RPF2: variants seen among roughly 807,000 people sequenced by gnomAD.
The protein encoded by RPF2 is ribosome production factor 2 homolog.
RPF2 carries 21 observed loss-of-function variants against 38.9 expected under a neutral mutation model. That is an observed-to-expected ratio of 0.54 (90% CI 0.38 to 0.78). The LOEUF is 0.78. RPF2 is among the 30% of genes least tolerant of loss of function. RPF2 has a pLI of 0.00. For synonymous variants in RPF2, 121 were observed against 126.2 expected (o/e 0.96, Z 0.28); for missense variants, 314 against 358.1 (o/e 0.88, Z 0.99).
At chr6:110,992,460 T>TTTTTTTA (rs1771636983) in intron 4 of RPF2, among the ~76,000 whole-genome samples, 1 of 151,660 alleles carries the variant, frequency 6.6e-6, no homozygotes, top group African/African-American at 2.4e-5. Flanking sequence ...TTTTTTTTTT[T>TTTTTTTA]GAAGCTTGGG....
In RPF2 at chr6:111,013,246, A is replaced by G. The variant is rs562000138; in HGVS notation, c.494-2508A>G. On this transcript the variant is annotated intron_variant, in intron 7 of 9. Transcript: ENST00000441448. ...TGCTATATGTCATTTATCACTTTGC[A>G]TAATAGGTGCTCTGGTACAATTTAT... is the stretch of plus-strand genomic sequence containing the variant. Among the ~76,000 whole-genome samples, 211 of 152,334 alleles carry G rather than the reference A, an allele frequency of 1.4e-3. 1 individual carries two copies. The highest frequency in any genetic ancestry group is 4.8e-3 in the African/African-American group (200 of 41,586).
At chr6:110,989,142 G>T in intron 3 of RPF2, 77 bp downstream of exon 3, 3 of 1,341,762 alleles carry the variant, frequency 2.2e-6, no homozygotes, top group Admixed American at 3.6e-5. Flanking sequence ...GGAAGATTTG[G>T]AAAACAAAAA....
intron 2 of RPF2, among the ~76,000 whole-genome samples, chr6:110,988,331 G>T (rs778554998): frequency 2.8e-4 from 42 of 152,062 alleles, no homozygotes; most frequent in Non-Finnish European, 4.7e-4. Context: ...TATTCTAATT[G>T]TCATCATTAT....
intron 6 of RPF2, among the ~76,000 whole-genome samples, chr6:111,003,815 C>A (rs1033377745): frequency 2.0e-5 from 3 of 151,968 alleles, no homozygotes; most frequent in Non-Finnish European, 2.9e-5. Flanking sequence ...AGAGTGAGGC[C>A]TCATGTCTCC....
intron 4 of RPF2, among the ~76,000 whole-genome samples, chr6:110,996,454 G>A (rs1771712800): frequency 6.6e-6 from 1 of 152,132 alleles, no homozygotes; most frequent in Non-Finnish European, 1.5e-5. Context: ...CTCCCACAGT[G>A]CTGGGATTAC....
At chr6:111,012,419 G>T (rs1233520717) in intron 7 of RPF2, among the ~76,000 whole-genome samples, 3 of 152,018 alleles carry the variant, frequency 2.0e-5, no homozygotes, top group Non-Finnish European at 4.4e-5. Flanking sequence ...CAGCCCTCCA[G>T]CCTCAGCCTC....
rs767146547 is a variant in RPF2 at position 110,997,143 on chromosome 6, A to T, written c.235-40A>T. The T allele has an allele frequency of 4.7e-6, 6 of 1,283,646 alleles. No homozygotes were observed. The South Asian group carries it at 7.4e-5, about 16-fold the overall frequency. The allele number at this position is 1,283,646 out of a possible 1,614,324, so 79.5% of individuals were successfully genotyped here. ...AAGGTAAGATTCTTAAAGTTCTTAA[A>T]TTTATGCATGGACTAAATGGGATTT... On this transcript the variant is annotated intron_variant, in intron 4 of 9. Transcript: ENST00000441448.
At chr6:110,990,749 T>A (rs181009955) in intron 3 of RPF2, among the ~76,000 whole-genome samples, 77 of 152,142 alleles carry the variant, frequency 5.1e-4, no homozygotes, top group Admixed American at 5.0e-3. Flanking sequence ...ATTTTTGTAT[T>A]TTTAGTAGAG....
chr6:111,010,336 G>C (rs1033138291), intron 7 of RPF2, among the ~76,000 whole-genome samples: 2 of 151,912 alleles, frequency 1.3e-5, no homozygotes, highest in Admixed American at 6.6e-5. Flanking sequence ...GTATTGCCCA[G>C]GCTGGTCTCA....
intron 1 of RPF2, 142 bp from the exon 2 acceptor site, chr6:110,984,864 A>G: frequency 2.1e-6 from 2 of 936,382 alleles, no homozygotes; most frequent in East Asian, 2.6e-5. Context: ...AAAAACAAAC[A>G]AAAAAAAGAA....
intron 2 of RPF2, among the ~76,000 whole-genome samples, chr6:110,985,934 TC>T (rs760627759): frequency 0.059 from 6,586 of 112,536 alleles, 152 homozygotes; most frequent in Middle Eastern, 0.1. Context: ...AGACTCCATT[TC>T]AAAAAAAAAA....
At chr6:110,993,781 C>G (rs1771660742) in intron 4 of RPF2, among the ~76,000 whole-genome samples, 1 of 152,132 alleles carries the variant, frequency 6.6e-6, no homozygotes, top group African/African-American at 2.4e-5. Context: ...CTACGGAGCT[C>G]AAAATGGCTA....
chr6:110,994,734 T>TATATATATATATATATATACAC (rs1436106936), intron 4 of RPF2, among the ~76,000 whole-genome samples: 11 of 134,128 alleles, frequency 8.2e-5, no homozygotes, highest in African/African-American at 3.2e-4. Context: ...TGAGTATATA[T>TATATATATATATATATATACAC]ACACACACAC....
At chr6:111,007,998 CT>C in intron 6 of RPF2, 39 bp from the exon 7 acceptor site, 2 of 1,496,350 alleles carry the variant, frequency 1.3e-6, no homozygotes, top group Non-Finnish European at 1.8e-6. Flanking sequence ...ACAGTTTAGA[CT>C]TTGGTAATTA....
Position 110,982,085 on chromosome 6 carries a change from A to G in RPF2, c.-22A>G. The G allele has an allele frequency of 6.2e-7, 1 of 1,614,156 alleles. No homozygotes were observed. The highest frequency in any genetic ancestry group is 1.3e-5 in the African/African-American group (1 of 75,072). On this transcript the variant is annotated 5_prime_UTR_variant, in exon 1 of 10. It removes the in-frame stop codon of an upstream open reading frame in the 5' UTR. Transcript: ENST00000441448. ...AGGGCACGTGCATGCCCCCTGGTTA[A>G]GAGTTGCAGGTAGCGGTAGCGATGG...
intron 7 of RPF2, among the ~76,000 whole-genome samples, chr6:111,010,256 G>T (rs1247704471): frequency 6.6e-6 from 1 of 151,612 alleles, no homozygotes; most frequent in Non-Finnish European, 1.5e-5. Context: ...GAGCAGCTGG[G>T]ACTACAGGTT....
intron 2 of RPF2, among the ~76,000 whole-genome samples, chr6:110,987,013 G>A (rs1771536686): frequency 6.6e-6 from 1 of 151,446 alleles, no homozygotes; most frequent in Non-Finnish European, 1.5e-5. Flanking sequence ...TGACTAATTA[G>A]GCCTTGAGTA....
chr6:110,986,616 C>T (rs1771529771), intron 2 of RPF2, among the ~76,000 whole-genome samples: 1 of 152,182 alleles, frequency 6.6e-6, no homozygotes, highest in Non-Finnish European at 1.5e-5. Context: ...AGCCCAGTGT[C>T]TGGACATAGT....
In RPF2 at chr6:111,027,689, T is replaced by C. The variant is rs1227321266; in HGVS notation, c.*2107T>C. On this transcript the variant is annotated 3_prime_UTR_variant, in exon 10 of 10. Coordinates refer to ENST00000441448, the MANE Select transcript of RPF2 (RefSeq NM_032194.3). ...TGTTTTTGTTTGTTTTAATCAGCCCTCTTGTTTGAGATTTGGCAATACATT... is the reference window on the plus strand; with the variant it reads ...TGTTTTTGTTTGTTTTAATCAGCCCCCTTGTTTGAGATTTGGCAATACATT... 1 of 152,260 alleles carries C rather than the reference T, an allele frequency of 6.6e-6. No homozygotes were observed. Among genetic ancestry groups the C allele is most frequent in the Non-Finnish European group, 1.5e-5 (1 of 68,048 alleles). 9.4% of individuals were successfully genotyped at this position (152,260 alleles called of 1,614,324 possible).
Sources: gnomAD v4.1 joint callset for allele counts (sites outside exome capture counted in the v4.1 genomes callset) on GRCh38, gnomAD v4.1.1 for gene constraint, MANE v1.5 for transcripts, NCBI Gene and HGNC (gene_info 2026-07-23, HGNC 2026-07-21) for gene names.